Variants in BNC2 observed in about 807,000 individuals in gnomAD.
BNC2 encodes basonuclin zinc finger protein 2.
BNC2 carries 20 observed loss-of-function variants against 76.3 expected under a neutral mutation model. That is an observed-to-expected ratio of 0.26 (90% CI 0.18 to 0.38). The LOEUF is 0.38. BNC2 is among the 10% of genes least tolerant of loss of function. The probability of loss-of-function intolerance (pLI) is 1.00; values close to 1 mark genes in which losing one functional copy is unlikely to be tolerated. For synonymous variants in BNC2, 582 were observed against 514.8 expected, an observed-to-expected ratio of 1.13 and a Z score of -1.77; for missense variants, 1,382 against 1,399.8, an observed-to-expected ratio of 0.99 and a Z score of 0.20.
chr9:16,507,764 C>T (rs2131870094), intron 5 of BNC2, among the ~76,000 whole-genome samples: 1 of 152,176 alleles, frequency 6.6e-6, no homozygotes, highest in Non-Finnish European at 1.5e-5. Flanking sequence ...ACAACTTGCT[C>T]ATATAGTAGG....
chr9:16,693,924 G>C (rs1703352851), intron 3 of BNC2, among the ~76,000 whole-genome samples: 1 of 152,194 alleles, frequency 6.6e-6, no homozygotes. Context: ...CTCAGCCATT[G>C]GGTTTGCTCC....
intron 5 of BNC2, among the ~76,000 whole-genome samples, chr9:16,506,574 G>C (rs1382457930): frequency 8.0e-6 from 1 of 124,402 alleles, no homozygotes; most frequent in African/African-American, 3.2e-5. Flanking sequence ...GCCCAGGCTT[G>C]GAATGCAATG....
chr9:16,767,500 G>C (rs965202232), intron 1 of BNC2, among the ~76,000 whole-genome samples: 9 of 152,264 alleles, frequency 5.9e-5, no homozygotes, highest in Admixed American at 3.3e-4. Context: ...AGCCTTTCCG[G>C]AGATCAATGC....
At chr9:16,653,704 A>G (rs1393793110) in intron 3 of BNC2, among the ~76,000 whole-genome samples, 1 of 152,160 alleles carries the variant, frequency 6.6e-6, no homozygotes, top group Non-Finnish European at 1.5e-5. Flanking sequence ...AGGGTGGGGA[A>G]TAGTTGTCTG....
At chr9:16,582,943 A>G in intron 4 of BNC2, 40 bp downstream of exon 4, 1 of 1,401,608 alleles carries the variant, frequency 7.1e-7, no homozygotes, top group South Asian at 1.2e-5. Flanking sequence ...ACGAACATGA[A>G]CATAATAAGA....
At chr9:16,556,112 C>T (rs1051852988) in intron 4 of BNC2, among the ~76,000 whole-genome samples, 2 of 151,688 alleles carry the variant, frequency 1.3e-5, no homozygotes, top group African/African-American at 4.8e-5. Context: ...TCAGCTTAGG[C>T]AACACATTGA....
rs374458563 is a variant in BNC2, at chr9:16,769,406, T to C, written c.4-30921A>G. ...AGAAGAAGGATCATTCTCTCCCATTTTACTGACAGGGAAAATGCCACTCAG... is the reference window on the plus strand; with the variant it reads ...AGAAGAAGGATCATTCTCTCCCATTCTACTGACAGGGAAAATGCCACTCAG... On this transcript the variant is annotated intron_variant, in intron 1 of 6. Coordinates refer to ENST00000380672, the MANE Select transcript of BNC2 (RefSeq NM_017637.6). Among the ~76,000 whole-genome samples the C allele has an allele frequency of 7.2e-4, 110 of 152,302 alleles. No homozygotes were observed. The South Asian group carries it at 0.022, about 30-fold the overall frequency.
Position 16,809,597 on chromosome 9 carries a change from C to T in BNC2, c.3+61049G>A, listed in dbSNP as rs534519068. Among the ~76,000 whole-genome samples the T allele has an allele frequency of 3.9e-5, 6 of 152,138 alleles. No individual in the cohort carries two copies. The South Asian group carries it at 1.2e-3, about 32-fold the overall frequency. Reference sequence around the variant, plus strand: ...CACAGCAATTCAGGAGTCTCCTGAACCAAGACCGAATGCGTTGTAATGTAC... The same window carrying T: ...CACAGCAATTCAGGAGTCTCCTGAATCAAGACCGAATGCGTTGTAATGTAC... On this transcript the variant is annotated intron_variant, in intron 1 of 6. Coordinates refer to ENST00000380672, the MANE Select transcript of BNC2 (RefSeq NM_017637.6).
At chr9:16,838,811 C>G (rs937417774) in intron 1 of BNC2, among the ~76,000 whole-genome samples, 1 of 152,084 alleles carries the variant, frequency 6.6e-6, no homozygotes, top group East Asian at 1.9e-4. Flanking sequence ...TTATTGTATG[C>G]GTGGCTTATG....
intron 1 of BNC2, among the ~76,000 whole-genome samples, chr9:16,837,000 T>A (rs1036152959): frequency 2.6e-5 from 4 of 151,942 alleles, no homozygotes; most frequent in Non-Finnish European, 4.4e-5. Context: ...AAAAAAAAAA[T>A]TTACCACATC....
At chr9:16,510,533 C>T (rs1822729344) in intron 5 of BNC2, among the ~76,000 whole-genome samples, 2 of 152,176 alleles carry the variant, frequency 1.3e-5, no homozygotes, top group East Asian at 1.9e-4. Context: ...TCACCAAGTC[C>T]CGACATAGCT....
chr9:16,559,740 G>A (rs1297329208), intron 4 of BNC2, among the ~76,000 whole-genome samples: 1 of 152,114 alleles, frequency 6.6e-6, no homozygotes, highest in African/African-American at 2.4e-5. Context: ...CATAGCAGCT[G>A]ACCTTATTGA....
chr9:16,745,611 T>G (rs1824977983), intron 1 of BNC2, among the ~76,000 whole-genome samples: 1 of 152,178 alleles, frequency 6.6e-6, no homozygotes, highest in South Asian at 2.1e-4. Context: ...CCTACAAGCA[T>G]CCATTAGCAT....
chr9:16,620,043 C>A (rs530449500), intron 3 of BNC2, among the ~76,000 whole-genome samples: 1 of 152,222 alleles, frequency 6.6e-6, no homozygotes, highest in East Asian at 1.9e-4. Context: ...AGGCTCCAAA[C>A]AAAAACCCCC....
intron 5 of BNC2, among the ~76,000 whole-genome samples, chr9:16,465,847 A>G (rs1453278533): frequency 1.3e-5 from 2 of 152,034 alleles, no homozygotes; most frequent in Non-Finnish European, 2.9e-5. Flanking sequence ...AGGCAGGAGA[A>G]GGAAATAAAG....
intron 5 of BNC2, among the ~76,000 whole-genome samples, chr9:16,443,195 A>T (rs1326102809): frequency 3.3e-5 from 5 of 152,214 alleles, no homozygotes. Context: ...AAAAACTAAA[A>T]GTATTTCCCC....
chr9:16,577,974 C>T (rs977344860), intron 4 of BNC2, among the ~76,000 whole-genome samples: 2 of 152,070 alleles, frequency 1.3e-5, no homozygotes, highest in African/African-American at 2.4e-5. Flanking sequence ...ATTTTTTATT[C>T]ATCAAGTCTC....
At chr9:16,646,406 A>T (rs1020951115) in intron 3 of BNC2, among the ~76,000 whole-genome samples, 1 of 152,242 alleles carries the variant, frequency 6.6e-6, no homozygotes, top group African/African-American at 2.4e-5. Context: ...TGTTGTTTAC[A>T]GTGAAATACT....
intron 3 of BNC2, among the ~76,000 whole-genome samples, chr9:16,626,657 G>C (rs1298513600): frequency 6.6e-6 from 1 of 151,922 alleles, no homozygotes; most frequent in African/African-American, 2.4e-5. Flanking sequence ...TTCTTGCCTA[G>C]CCTACGAAAC....
Sources: gnomAD v4.1 joint callset for allele counts (sites outside exome capture counted in the v4.1 genomes callset) on GRCh38, gnomAD v4.1.1 for gene constraint, MANE v1.5 for transcripts, NCBI Gene and HGNC (gene_info 2026-07-23, HGNC 2026-07-21) for gene names.